The following CNTN4 variants were observed in gnomAD, a reference collection of about 807,000 sequenced individuals.
The protein encoded by CNTN4 is contactin-4.
A neutral mutation model predicts 122.5 loss-of-function variants in CNTN4; 77 were observed. That is an observed-to-expected ratio of 0.63 (90% CI 0.52 to 0.76). The LOEUF is 0.76. Ranked by LOEUF, CNTN4 falls within the 30% of genes least tolerant of loss-of-function variation. CNTN4 has a pLI of 0.00. For synonymous variants in CNTN4, 512 were observed against 447.0 expected (o/e 1.15, Z -1.83); for missense variants, 1,256 against 1,259.1 (o/e 1.00, Z 0.04).
chr3:2,558,810 T>C (rs1356342105), intron 3 of CNTN4, among the ~76,000 whole-genome samples: 2 of 152,236 alleles, frequency 1.3e-5, no homozygotes, highest in African/African-American at 2.4e-5. Flanking sequence ...ATTAATGTGC[T>C]GTCCTTTGGA....
At chr3:2,222,273 A>C (rs1335587700) in intron 2 of CNTN4, among the ~76,000 whole-genome samples, 1 of 152,202 alleles carries the variant, frequency 6.6e-6, no homozygotes, top group Non-Finnish European at 1.5e-5. Flanking sequence ...CATTCTGCTA[A>C]GTGAAAGAAA....
At chr3:3,022,572 C>A (rs1160283154) in intron 14 of CNTN4, among the ~76,000 whole-genome samples, 2 of 152,096 alleles carry the variant, frequency 1.3e-5, no homozygotes, top group African/African-American at 4.8e-5. Flanking sequence ...ATTTATACAT[C>A]TAATTGTGGA....
intron 14 of CNTN4, among the ~76,000 whole-genome samples, chr3:2,995,442 C>A (rs1344052286): frequency 6.6e-6 from 1 of 152,214 alleles, no homozygotes; most frequent in East Asian, 1.9e-4. Flanking sequence ...ATGCTGATTG[C>A]ATACCATGAC....
At chr3:2,986,681 T>C (rs1182294833) in intron 13 of CNTN4, among the ~76,000 whole-genome samples, 1 of 152,232 alleles carries the variant, frequency 6.6e-6, no homozygotes, top group Non-Finnish European at 1.5e-5. Context: ...TTTCAGATAT[T>C]TGAAAGGACT....
chr3:2,834,070 CG>C (rs2093161888), intron 7 of CNTN4, among the ~76,000 whole-genome samples: 1 of 152,114 alleles, frequency 6.6e-6, no homozygotes, highest in South Asian at 2.1e-4. Flanking sequence ...CACTTGATCA[CG>C]GGAGGCAGAG....
intron 3 of CNTN4, among the ~76,000 whole-genome samples, chr3:2,493,244 T>C (rs2076365982): frequency 6.6e-6 from 1 of 152,112 alleles, no homozygotes; most frequent in South Asian, 2.1e-4. Context: ...TGTTTCTACC[T>C]GCTCTAAGAT....
intron 3 of CNTN4, among the ~76,000 whole-genome samples, chr3:2,438,534 C>T (rs887022990): frequency 3.0e-4 from 45 of 151,916 alleles, no homozygotes; most frequent in African/African-American, 9.9e-4. Flanking sequence ...AACAACCCCC[C>T]CAAAAAAAAC....
intron 6 of CNTN4, among the ~76,000 whole-genome samples, chr3:2,810,866 T>A (rs1355941325): frequency 1.3e-5 from 2 of 151,954 alleles, no homozygotes; most frequent in African/African-American, 2.4e-5. Context: ...CCGAAGAGGG[T>A]GACAAAAAAC....
At chr3:2,629,873 G>T (rs895259217) in intron 4 of CNTN4, among the ~76,000 whole-genome samples, 6 of 152,030 alleles carry the variant, frequency 3.9e-5, no homozygotes, top group East Asian at 1.9e-4. Context: ...GACATTTCCC[G>T]CCAGCCCAAC....
chr3:2,380,661 T>G (rs1047517688), intron 3 of CNTN4, among the ~76,000 whole-genome samples: 4 of 152,024 alleles, frequency 2.6e-5, no homozygotes, highest in African/African-American at 9.7e-5. Context: ...ATTCAGTATA[T>G]CCAGATTGGA....
chr3:2,766,578 A>C (rs9310848), intron 6 of CNTN4, among the ~76,000 whole-genome samples: 150,127 of 152,248 alleles, frequency 0.99, 74,047 homozygotes, highest in East Asian at 1. Context: ...ATACAATGGA[A>C]TTTTGGGACG....
chr3:2,594,377 C>T (rs925523476), intron 4 of CNTN4, among the ~76,000 whole-genome samples: 4 of 150,926 alleles, frequency 2.7e-5, no homozygotes, highest in Non-Finnish European at 5.9e-5. Flanking sequence ...GATTATTTGC[C>T]CTGGAGTAAC....
chr3:2,274,467 T>C (rs1166596812), intron 2 of CNTN4, among the ~76,000 whole-genome samples: 1 of 152,112 alleles, frequency 6.6e-6, no homozygotes, highest in Non-Finnish European at 1.5e-5. Flanking sequence ...TGTTTTAGGA[T>C]CTATGTTTGT....
chr3:2,157,982 A>G (rs2035794937), intron 2 of CNTN4, among the ~76,000 whole-genome samples: 2 of 152,246 alleles, frequency 1.3e-5, no homozygotes, highest in African/African-American at 4.8e-5. Flanking sequence ...TGCATTTGTC[A>G]TGAAATTAGA....
intron 6 of CNTN4, among the ~76,000 whole-genome samples, chr3:2,770,031 G>GTT (rs1204030725): frequency 7.2e-6 from 1 of 138,898 alleles, no homozygotes; most frequent in Non-Finnish European, 1.5e-5. Flanking sequence ...TTGTTTGTTT[G>GTT]TTTGTTTTTT....
At chr3:2,549,545 A>G (rs1033986663) in intron 3 of CNTN4, among the ~76,000 whole-genome samples, 1 of 152,178 alleles carries the variant, frequency 6.6e-6, no homozygotes, top group Non-Finnish European at 1.5e-5. Flanking sequence ...CCCAAGGATG[A>G]AGCCGACTTG....
At chr3:2,802,892 T>A (rs1187083514) in intron 6 of CNTN4, among the ~76,000 whole-genome samples, 1 of 152,186 alleles carries the variant, frequency 6.6e-6, no homozygotes, top group Non-Finnish European at 1.5e-5. Context: ...AGAATATCTT[T>A]ATGACTTCAG....
intron 3 of CNTN4, among the ~76,000 whole-genome samples, chr3:2,499,777 G>A (rs1050949893): frequency 6.6e-6 from 1 of 152,074 alleles, no homozygotes; most frequent in Non-Finnish European, 1.5e-5. Flanking sequence ...AAACCTTACA[G>A]GGAGTTTGAT....
intron 20 of CNTN4, chr3:3,041,024 T>C (rs901982609): frequency 2.0e-5 from 3 of 152,332 alleles, no homozygotes; most frequent in African/African-American, 7.2e-5. Context: ...ATGTTTAACA[T>C]TTCTCACACA....
Sources: gnomAD v4.1 joint callset for allele counts (sites outside exome capture counted in the v4.1 genomes callset) on GRCh38, gnomAD v4.1.1 for gene constraint, MANE v1.5 for transcripts, NCBI Gene and HGNC (gene_info 2026-07-23, HGNC 2026-07-21) for gene names.